The following TTPAL variants were observed in gnomAD, a reference collection of about 807,000 sequenced individuals.
TTPAL encodes alpha tocopherol transfer protein like.
Under a neutral mutation model 28.7 loss-of-function variants are expected in TTPAL, and 21 were observed. The ratio of observed to expected loss-of-function variants is 0.73; its 90% CI spans 0.52 to 1.06. TTPAL has a LOEUF of 1.06. Ranked by LOEUF, TTPAL falls within the 50% of genes least tolerant of loss-of-function variation. The pLI is 0.00. For missense variants in TTPAL, 345 were observed against 425.5 expected, an observed-to-expected ratio of 0.81 and a Z score of 1.67; for synonymous variants, 169 against 171.9, an observed-to-expected ratio of 0.98 and a Z score of 0.13.
Position 44,492,031 on chromosome 20 carries a change from A to G in TTPAL, c.*2490A>G, listed in dbSNP as rs1463040367. The G allele has an allele frequency of 6.6e-6, 1 of 152,346 alleles. No homozygotes were observed. The highest frequency in any genetic ancestry group is 1.5e-5 in the Non-Finnish European group (1 of 68,056). The allele number at this position is 152,346 out of a possible 1,614,324, so 9.4% of individuals were successfully genotyped here. On this transcript the variant is annotated 3_prime_UTR_variant, in exon 5 of 5. Coordinates refer to ENST00000262605, the MANE Select transcript of TTPAL (RefSeq NM_001039199.3). The stretch of plus-strand genomic sequence containing the variant: ...GGAGTGGTTTCACTCAGCTTCTAGA[A>G]GGAGTTGGAGCCTAAGTTTATCTGC...
chr20:44,483,187 C>T (rs539205402), intron 2 of TTPAL, among the ~76,000 whole-genome samples: 59 of 152,260 alleles, frequency 3.9e-4, no homozygotes, highest in Non-Finnish European at 7.8e-4. Flanking sequence ...AAGTGACAGC[C>T]AACTCACGTT....
Position 44,489,184 on chromosome 20 carries a change from TGAG to T in TTPAL, c.751-78_751-76del. On this transcript the variant is annotated intron_variant, in intron 4 of 4. Coordinates refer to ENST00000262605, the MANE Select transcript of TTPAL (RefSeq NM_001039199.3). ...TTTCTTCATTCAACAGATATTTATT[TGAG>T]CACCTACCATGGAGGAGATTTCTGC... The T allele has an allele frequency of 2.1e-6, 3 of 1,456,926 alleles. No homozygotes were observed. In the South Asian group the frequency reaches 4.0e-5, roughly 19 times the overall value. 90.2% of individuals were successfully genotyped at this position (1,456,926 alleles called of 1,614,324 possible).
chr20:44,489,127 A>G, intron 4 of TTPAL, 136 bp from the exon 5 acceptor site: 1 of 991,612 alleles, frequency 1.0e-6, no homozygotes. Context: ...CTGGGCTGAA[A>G]AAGTAAGGGT....
rs2064237651 is a variant in TTPAL, at chr20:44,494,583, T to C, written c.*5042T>C. 6.5e-6 allele frequency: 1 copy of C among 152,692 alleles called. No individual in the cohort carries two copies. Among genetic ancestry groups the C allele is most frequent in the Non-Finnish European group, 1.5e-5 (1 of 68,014 alleles). The allele number at this position is 152,692 out of a possible 1,614,324, so 9.5% of individuals were successfully genotyped here. ...GTATGCATGACTCAGTCTGAAACAATAAAAATCTCTGAAAAATGTGCATGG... is the reference window on the plus strand; with the variant it reads ...GTATGCATGACTCAGTCTGAAACAACAAAAATCTCTGAAAAATGTGCATGG... On this transcript the variant is annotated 3_prime_UTR_variant, in exon 5 of 5. Transcript: ENST00000262605.
At chr20:44,479,088 C>A (rs2064074505) in intron 1 of TTPAL, among the ~76,000 whole-genome samples, 2 of 152,130 alleles carry the variant, frequency 1.3e-5, no homozygotes, top group South Asian at 4.1e-4. Context: ...CGCGCCCGGC[C>A]CCCTAATTCT....
intron 1 of TTPAL, chr20:44,478,527 T>C (rs1450598879): frequency 1.3e-5 from 2 of 152,244 alleles, no homozygotes; most frequent in East Asian, 3.9e-4. Context: ...CCGGCACATA[T>C]TCCCGACTGC....
intron 3 of TTPAL, chr20:44,485,824 G>A (rs1291722303): frequency 6.6e-6 from 1 of 152,204 alleles, no homozygotes; most frequent in Non-Finnish European, 1.5e-5. Flanking sequence ...TCCCTTTCTT[G>A]TGAATTTCAC....
In TTPAL at chr20:44,479,324, A is replaced by G. The variant is rs544546498; in HGVS notation, c.-15-661A>G. Among the ~76,000 whole-genome samples the G allele has an allele frequency of 7.9e-5, 12 of 150,992 alleles. 1 individual carries two copies. The Admixed American group carries it at 8.0e-4, about 10-fold the overall frequency. On this transcript the variant is annotated intron_variant, in intron 1 of 4. Coordinates refer to ENST00000262605, the MANE Select transcript of TTPAL (RefSeq NM_001039199.3). ...AGATATTGACAAATGCCCTCCAAAG[A>G]GGCTGTCAATTTATACTCCCAGCAG... is the stretch of plus-strand genomic sequence containing the variant.
chr20:44,480,359 C>T lies in TTPAL; in HGVS notation c.360C>T (p.Ala120=). The stretch of plus-strand genomic sequence containing the variant: ...TCTTCAATAACTTGAAGCCATCAGC[C>T]TTAAAAGATGTCCTTGCTTCCGGGT... ...PEVFNNLKPS[A]LKDVLASGFL... The change falls in exon 2 of 5, where the codon GCC becomes GCT. Residue 120 remains alanine, a synonymous_variant. Coordinates refer to ENST00000262605, the MANE Select transcript of TTPAL (RefSeq NM_001039199.3). This position sits in a 1 kb window ranked among gnomAD's most constrained non-coding sequence, Gnocchi z 4.1. 6.2e-7 allele frequency: 1 copy of T among 1,614,166 alleles called. No individual in the cohort carries two copies. Among genetic ancestry groups the T allele is most frequent in the South Asian group, 1.1e-5 (1 of 91,078 alleles).
chr20:44,481,365 T>C (rs757498611), intron 2 of TTPAL, among the ~76,000 whole-genome samples: 1 of 152,090 alleles, frequency 6.6e-6, no homozygotes, highest in Non-Finnish European at 1.5e-5. Flanking sequence ...GGCAACATAG[T>C]GAGACCTTGT....
rs911239166 is a variant in TTPAL, at chr20:44,493,135, T to A, written c.*3594T>A. The A allele has an allele frequency of 6.6e-6, 1 of 152,002 alleles. No homozygotes were observed. The highest frequency in any genetic ancestry group is 1.5e-5 in the Non-Finnish European group (1 of 68,020). The allele number at this position is 152,002 out of a possible 1,614,324, so 9.4% of individuals were successfully genotyped here. On this transcript the variant is annotated 3_prime_UTR_variant, in exon 5 of 5. Transcript: ENST00000262605. ...CCGTCTCTACTAAAAATACAAAAAA[T>A]TGGCTGGGCATGGTGGTGGGTGCCT...
intron 3 of TTPAL, chr20:44,485,893 A>T (rs1051524533): frequency 2.0e-5 from 3 of 152,214 alleles, no homozygotes; most frequent in Admixed American, 1.3e-4. Flanking sequence ...AACTCACTTG[A>T]TTATGCTTAG....
Position 44,480,367 on chromosome 20 carries a change from A to G in TTPAL, c.368A>G (p.Asp123Gly). 1 of 1,613,964 alleles carries G rather than the reference A, an allele frequency of 6.2e-7. No individual in the cohort carries two copies. The highest frequency in any genetic ancestry group is 8.5e-7 in the Non-Finnish European group (1 of 1,179,902). Residue 123 changes from aspartate (D) to glycine (G), a missense_variant, in exon 2 of 5, where the codon GAT becomes GGT. Physicochemically the swap from Asp to Gly is moderately conservative, Grantham distance 94 (BLOSUM62 -1). Transcript: ENST00000262605. This position sits in a 1 kb window ranked among gnomAD's most constrained non-coding sequence, Gnocchi z 4.1. ...FNNLKPSALK[D>G]VLASGFLTVL... Reference sequence around the variant, plus strand: ...AACTTGAAGCCATCAGCCTTAAAAGATGTCCTTGCTTCCGGGTTCCTCACC... The same window carrying G: ...AACTTGAAGCCATCAGCCTTAAAAGGTGTCCTTGCTTCCGGGTTCCTCACC...
chr20:44,490,543 G>A lies in TTPAL; in HGVS notation c.*1002G>A, dbSNP rs185711314. The A allele has an allele frequency of 6.6e-6, 1 of 152,460 alleles. No individual in the cohort carries two copies. Among genetic ancestry groups the A allele is most frequent in the East Asian group, 1.9e-4 (1 of 5,316 alleles). The allele number at this position is 152,460 out of a possible 1,614,324, so 9.4% of individuals were successfully genotyped here. On this transcript the variant is annotated 3_prime_UTR_variant, in exon 5 of 5. Transcript: ENST00000262605. ...TCCTGTTTTTGTTTGTGGTACATGTGTCTTTCCAAGAGAGATGTGTCACCA... is the reference window on the plus strand; with the variant it reads ...TCCTGTTTTTGTTTGTGGTACATGTATCTTTCCAAGAGAGATGTGTCACCA...
intron 2 of TTPAL, among the ~76,000 whole-genome samples, chr20:44,483,084 C>G (rs1266748791): frequency 2.0e-5 from 3 of 152,172 alleles, no homozygotes; most frequent in Non-Finnish European, 4.4e-5. Flanking sequence ...TCTTGAACTC[C>G]TGACCTCCAA....
In TTPAL at chr20:44,492,873, CT is replaced by C. The variant is rs962783666; in HGVS notation, c.*3334del. On this transcript the variant is annotated 3_prime_UTR_variant, in exon 5 of 5. Transcript: ENST00000262605. Reference sequence around the variant, plus strand: ...GTCGCTTTATTTTTTAATTTTTTTCCTTGCATTTTCTTTTTTATTCTATTGC... The same window carrying C: ...GTCGCTTTATTTTTTAATTTTTTTCCTGCATTTTCTTTTTTATTCTATTGC... The C allele has an allele frequency of 2.2e-4, 34 of 152,304 alleles. No homozygotes were observed. Among genetic ancestry groups the C allele is most frequent in the African/African-American group, 7.2e-4 (30 of 41,526 alleles). 9.4% of individuals were successfully genotyped at this position (152,304 alleles called of 1,614,324 possible).
intron 3 of TTPAL, 114 bp downstream of exon 3, chr20:44,484,644 C>G (rs745812185): frequency 6.9e-6 from 5 of 720,868 alleles, no homozygotes; most frequent in Non-Finnish European, 1.1e-5. Flanking sequence ...CACCTGCAAT[C>G]TGAAAAACAC....
chr20:44,489,176 T>A, intron 4 of TTPAL, 87 bp from the exon 5 acceptor site: 2 of 1,410,436 alleles, frequency 1.4e-6, no homozygotes, highest in Non-Finnish European at 1.9e-6. Context: ...ATTCAACAGA[T>A]ATTTATTTGA....
chr20:44,486,287 G>A, intron 3 of TTPAL: 1 of 179,122 alleles, frequency 5.6e-6, no homozygotes, highest in Non-Finnish European at 1.2e-5. Context: ...TCACCATGTT[G>A]GCCAGGCTGG....
Sources: allele counts gnomAD v4.1 joint callset (sites outside exome capture counted in the v4.1 genomes callset), GRCh38; gene constraint gnomAD v4.1.1; non-coding constraint Gnocchi (gnomAD v3.1); transcripts MANE v1.5; gene names NCBI Gene and HGNC (gene_info 2026-07-23, HGNC 2026-07-21).